Variants in CDC42EP3 observed in about 807,000 individuals in gnomAD.
CDC42EP3 encodes CDC42 effector protein 3, also known as CDC42 effector protein (Rho GTPase binding) 3.
A neutral mutation model predicts 15.5 loss-of-function variants in CDC42EP3; 4 were observed. The ratio of observed to expected loss-of-function variants is 0.26; its 90% CI spans 0.13 to 0.59. The LOEUF is 0.59. Ranked by LOEUF, CDC42EP3 falls within the 20% of genes least tolerant of loss-of-function variation. CDC42EP3 has a pLI of 0.89. For missense variants in CDC42EP3, 309 were observed against 311.2 expected (o/e 0.99, Z 0.05); for synonymous variants, 145 against 130.3 (o/e 1.11, Z -0.77).
intron 1 of CDC42EP3, among the ~76,000 whole-genome samples, chr2:37,659,738 G>C (rs1262601230): frequency 6.6e-6 from 1 of 152,132 alleles, no homozygotes; most frequent in Non-Finnish European, 1.5e-5. Flanking sequence ...TGGCTCATTT[G>C]GCCTAAAATG....
upstream of CDC42EP3, chr2:37,671,675 C>CGGGGCGGGGGCGG (rs1666427133): frequency 6.6e-6 from 1 of 150,568 alleles, no homozygotes; most frequent in Non-Finnish European, 1.5e-5. Flanking sequence ...AGGACTGAAC[C>CGGGGCGGGGGCGG]TGCGGAGGGC....
intron 1 of CDC42EP3, among the ~76,000 whole-genome samples, chr2:37,657,001 C>CCCCCCCG (rs1208218676): frequency 2.8e-4 from 29 of 103,252 alleles, no homozygotes; most frequent in South Asian, 1.2e-3. Context: ...CCCCCCGCCC[C>CCCCCCCG]CCGCCATCCT....
At chr2:37,656,230 C>T (rs952140816) in intron 1 of CDC42EP3, among the ~76,000 whole-genome samples, 2 of 152,230 alleles carry the variant, frequency 1.3e-5, no homozygotes, top group Non-Finnish European at 2.9e-5. Context: ...TCTACTTCCA[C>T]TACCAACATC....
rs1382876321 is a variant in CDC42EP3, at chr2:37,643,708, GAA to G, written c.*2113_*2114del. The stretch of plus-strand genomic sequence containing the variant: ...CTAATTAAAATGGGGGGGAGGTATT[GAA>G]AAGAGTCTAAAATTGGCTACAAATA... On this transcript the variant is annotated 3_prime_UTR_variant, in exon 2 of 2. Coordinates refer to ENST00000295324, the MANE Select transcript of CDC42EP3 (RefSeq NM_006449.5). The G allele has an allele frequency of 2.0e-5, 3 of 152,122 alleles. No homozygotes were observed. Among genetic ancestry groups the G allele is most frequent in the African/African-American group, 7.2e-5 (3 of 41,382 alleles). The allele number at this position is 152,122 out of a possible 1,614,324, so 9.4% of individuals were successfully genotyped here.
At chr2:37,654,029 G>A (rs1344444197) in intron 1 of CDC42EP3, among the ~76,000 whole-genome samples, 2 of 152,126 alleles carry the variant, frequency 1.3e-5, no homozygotes, top group East Asian at 3.9e-4. Context: ...CGGCACCACT[G>A]CACTACTGCA....
intron 1 of CDC42EP3, among the ~76,000 whole-genome samples, chr2:37,661,933 C>G (rs1212940394): frequency 6.6e-6 from 1 of 152,084 alleles, no homozygotes; most frequent in Non-Finnish European, 1.5e-5. Context: ...GAGGAAGATT[C>G]ATGCTCTGTG....
chr2:37,669,124 C>T (rs72881333), intron 1 of CDC42EP3, among the ~76,000 whole-genome samples: 18 of 151,044 alleles, frequency 1.2e-4, no homozygotes, highest in African/African-American at 2.7e-4. Flanking sequence ...AATAATAATA[C>T]GATCAGAGCA....
intron 1 of CDC42EP3, among the ~76,000 whole-genome samples, chr2:37,664,862 G>A (rs1388689494): frequency 6.6e-6 from 1 of 152,062 alleles, no homozygotes; most frequent in Non-Finnish European, 1.5e-5. Context: ...AGCTAAATGA[G>A]AACAAATGGA....
intron 1 of CDC42EP3, among the ~76,000 whole-genome samples, chr2:37,667,273 C>T (rs1198372658): frequency 5.9e-5 from 9 of 152,350 alleles, no homozygotes; most frequent in Non-Finnish European, 1.5e-5. Context: ...TGTAGCTCCT[C>T]TTCTGCTGAG....
chr2:37,666,979 T>C (rs1666269184), intron 1 of CDC42EP3, among the ~76,000 whole-genome samples: 1 of 152,198 alleles, frequency 6.6e-6, no homozygotes, highest in Admixed American at 6.5e-5. Context: ...AACCATTGGC[T>C]TTGAGGCTAC....
At chr2:37,660,932 AC>A (rs1666037424) in intron 1 of CDC42EP3, among the ~76,000 whole-genome samples, 1 of 152,170 alleles carries the variant, frequency 6.6e-6, no homozygotes, top group Admixed American at 6.5e-5. Flanking sequence ...ATTGGAAGGG[AC>A]TTCATACCAT....
intron 1 of CDC42EP3, among the ~76,000 whole-genome samples, chr2:37,653,867 G>A (rs1288002091): frequency 6.6e-6 from 1 of 152,168 alleles, no homozygotes; most frequent in East Asian, 1.9e-4. Context: ...TGCCCCCAGG[G>A]ACCTGCGGCT....
intron 1 of CDC42EP3, chr2:37,647,308 G>A (rs1665510468): frequency 6.6e-6 from 1 of 152,204 alleles, no homozygotes; most frequent in South Asian, 2.1e-4. Flanking sequence ...ACTATTATAT[G>A]CTACTGTCCT....
At position 37,643,722 on chromosome 2, in the gene CDC42EP3, A is replaced by G. The variant is rs1406600416; in HGVS notation, c.*2101T>C. ...GGGGAGGTATTGAAAAGAGTCTAAAATTGGCTACAAATAATGAGATACATT... is the reference window on the plus strand; with the variant it reads ...GGGGAGGTATTGAAAAGAGTCTAAAGTTGGCTACAAATAATGAGATACATT... On this transcript the variant is annotated 3_prime_UTR_variant, in exon 2 of 2. Coordinates refer to ENST00000295324, the MANE Select transcript of CDC42EP3 (RefSeq NM_006449.5). The G allele has an allele frequency of 1.3e-5, 2 of 151,822 alleles. No homozygotes were observed. Among genetic ancestry groups the G allele is most frequent in the Non-Finnish European group, 2.9e-5 (2 of 68,040 alleles). The allele number at this position is 151,822 out of a possible 1,614,324, so 9.4% of individuals were successfully genotyped here.
At chr2:37,650,834 A>T (rs759114239) in intron 1 of CDC42EP3, among the ~76,000 whole-genome samples, 1 of 152,234 alleles carries the variant, frequency 6.6e-6, no homozygotes, top group Non-Finnish European at 1.5e-5. Flanking sequence ...TTGAAGTATG[A>T]ACAGGTCCAA....
At position 37,642,981 on chromosome 2, in the gene CDC42EP3, AG is replaced by A. The variant is rs1438403121; in HGVS notation, c.*2841del. ...AGATAATTTCAGGCAGAAATGATAT[AG>A]CTTGTCTTTTGTTAGGTCTCACTAG... On this transcript the variant is annotated 3_prime_UTR_variant, in exon 2 of 2. Coordinates refer to ENST00000295324, the MANE Select transcript of CDC42EP3 (RefSeq NM_006449.5). 6.6e-6 allele frequency: 1 copy of A among 152,232 alleles called. No homozygotes were observed. The highest frequency in any genetic ancestry group is 1.5e-5 in the Non-Finnish European group (1 of 68,042). 9.4% of individuals were successfully genotyped at this position (152,232 alleles called of 1,614,324 possible).
In CDC42EP3 at chr2:37,645,831, T is replaced by G. The variant is rs1463989843; in HGVS notation, c.757A>C (p.Asn253His). 1.3e-6 allele frequency: 2 copies of G among 1,521,870 alleles called. No individual in the cohort carries two copies. Among genetic ancestry groups the G allele is most frequent in the Non-Finnish European group, 1.8e-6 (2 of 1,137,856 alleles). 94.3% of individuals were successfully genotyped at this position (1,521,870 alleles called of 1,614,324 possible). A position where few individuals can be genotyped will look rare whatever the true frequency, so the allele number is the denominator to read the frequency against. Residue 253 changes from asparagine to histidine, a missense_variant, in exon 2 of 2, where the codon AAT becomes CAT. Coordinates refer to ENST00000295324, the MANE Select transcript of CDC42EP3 (RefSeq NM_006449.5). Reference sequence around the variant, plus strand: ...AAAAAGTTGGCATCTTGTTACTTATTTTTATCCATTACATTCAGCACCTCA... The same window carrying G: ...AAAAAGTTGGCATCTTGTTACTTATGTTTATCCATTACATTCAGCACCTCA... ...LDEVLNVMDK[N>H]K
rs57232687 is a variant in CDC42EP3 at position 37,649,445 on chromosome 2, C to CA, written c.-235-2624dup. Among the ~76,000 whole-genome samples the CA allele has an allele frequency of 2.7e-3, 131 of 48,170 alleles. 11 individuals are homozygous for CA. Among genetic ancestry groups the CA allele is most frequent in the South Asian group, 3.4e-3 (3 of 892 alleles). 31.6% of individuals were successfully genotyped at this position (48,170 alleles called of 152,430 possible). A position where few individuals can be genotyped will look rare whatever the true frequency, so the allele number is the denominator to read the frequency against. ...ACTACAGCCTAGCAAGGCCTTGTCT[C>CA]AAAAAAAAAAAAAAAAAAAAAAAAA... On this transcript the variant is annotated intron_variant, in intron 1 of 1. Coordinates refer to ENST00000295324, the MANE Select transcript of CDC42EP3 (RefSeq NM_006449.5).
upstream of CDC42EP3, among the ~76,000 whole-genome samples, chr2:37,672,790 A>C (rs1404104326): frequency 6.6e-6 from 1 of 152,036 alleles, no homozygotes; most frequent in East Asian, 1.9e-4. Context: ...CTCGGGTTGG[A>C]TGGAAATCCT....
Sources: allele counts gnomAD v4.1 joint callset (sites outside exome capture counted in the v4.1 genomes callset), GRCh38; gene constraint gnomAD v4.1.1; transcripts MANE v1.5; gene names NCBI Gene and HGNC (gene_info 2026-07-23, HGNC 2026-07-21).